The following PRDM2 variants were observed in gnomAD, a reference collection of about 807,000 sequenced individuals.
PRDM2 encodes PR domain zinc finger protein 2.
PRDM2 carries 30 observed loss-of-function variants against 130.0 expected under a neutral mutation model. The ratio of observed to expected loss-of-function variants is 0.23; its 90% confidence interval spans 0.17 to 0.31. The LOEUF is 0.31. PRDM2 is among the 10% of genes least tolerant of loss of function. The probability of loss-of-function intolerance (pLI) is 1.00; values close to 1 mark genes in which losing one functional copy is unlikely to be tolerated. For missense variants in PRDM2, 2,011 were observed against 2,108.4 expected, an observed-to-expected ratio of 0.95 and a Z score of 0.90; for synonymous variants, 871 against 782.4, an observed-to-expected ratio of 1.11 and a Z score of -1.89.
At chr1:13,775,624 G>A (rs755066881) in intron 7 of PRDM2, among the ~76,000 whole-genome samples, 35 of 152,182 alleles carry the variant, frequency 2.3e-4, no homozygotes, top group Non-Finnish European at 4.6e-4. Flanking sequence ...CTGGGAAACA[G>A]CAAGGAGGCT....
chr1:13,743,399 CAAAAAAAAAAAAA>C (rs70984282), intron 5 of PRDM2, among the ~76,000 whole-genome samples: 13 of 41,798 alleles, frequency 3.1e-4, no homozygotes, highest in East Asian at 7.8e-4. Context: ...GACTCTGTCT[CAAAAAAAAAAAAA>C]AAAAAAAAAA....
chr1:13,720,355 G>T (rs748184662), intron 2 of PRDM2, among the ~76,000 whole-genome samples: 7 of 152,154 alleles, frequency 4.6e-5, no homozygotes, highest in African/African-American at 7.2e-5. Context: ...TGGAGAGAAG[G>T]GCTGGGTAGG....
At position 13,760,392 on chromosome 1, in the gene PRDM2, C is replaced by T. The variant is rs541655394; in HGVS notation, c.511+10905C>T. Among the ~76,000 whole-genome samples, 2 of 151,828 alleles carry T rather than the reference C, an allele frequency of 1.3e-5. 1 individual carries two copies. Among genetic ancestry groups the T allele is most frequent in the Admixed American group, 1.3e-4 (2 of 15,236 alleles). ...GGGTGGGAATATACTGCTTGGGCTT[C>T]AGTGTTGCTTTTGCATTAGATGCAG... is the stretch of plus-strand genomic sequence containing the variant. On this transcript the variant is annotated intron_variant, in intron 6 of 9. Coordinates refer to ENST00000311066, the MANE Select transcript of PRDM2 (RefSeq NM_001393986.1).
chr1:13,737,394 C>G lies in PRDM2; in HGVS notation c.231+4512C>G, dbSNP rs151089648. ...TAAATATTATCTATGGCTTCTTTTGCCCCATAATCACAGAGTTGAGCAGTG... is the reference window on the plus strand; with the variant it reads ...TAAATATTATCTATGGCTTCTTTTGGCCCATAATCACAGAGTTGAGCAGTG... On this transcript the variant is annotated intron_variant, in intron 4 of 9. Coordinates refer to ENST00000311066, the MANE Select transcript of PRDM2 (RefSeq NM_001393986.1). 2.6e-3 allele frequency among the ~76,000 whole-genome samples: 397 copies of G among 152,318 alleles called. 2 individuals carry two copies. The highest frequency in any genetic ancestry group is 9.3e-3 in the African/African-American group (385 of 41,572).
intron 8 of PRDM2, among the ~76,000 whole-genome samples, chr1:13,795,100 ATTTC>A (rs993018600): frequency 1.3e-5 from 2 of 152,192 alleles, no homozygotes; most frequent in African/African-American, 2.4e-5. Flanking sequence ...GTAACTTTCT[ATTTC>A]TTTTGGTTTT....
chr1:13,782,632 G>T lies in PRDM2; in HGVS notation c.4837G>T (p.Val1613Leu). 1 of 1,614,158 alleles carries T rather than the reference G, an allele frequency of 6.2e-7. No homozygotes were observed. Among genetic ancestry groups the T allele is most frequent in the Non-Finnish European group, 8.5e-7 (1 of 1,180,038 alleles). ...CAGCAAAACATCACGGAGCCTGCAC[G>T]TGAGGGTACAGAAAAGCAAAGCTGT... ...LSSKTSRSLH[V>L]RVQKSKAVLQ... is the part of the protein sequence containing the mutation. The change falls in exon 8 of 10, where the codon GTG (valine) becomes TTG (leucine). Residue 1613 changes from valine to leucine, a missense_variant. Val to Leu is a conservative substitution (Grantham distance 32). This residue lies in a region of PRDM2 where 410 missense variants were observed against 395.9 expected (regional missense o/e 1.04). Transcript: ENST00000311066.
intron 6 of PRDM2, among the ~76,000 whole-genome samples, chr1:13,760,372 G>A (rs1266933426): frequency 2.0e-5 from 3 of 151,930 alleles, no homozygotes; most frequent in African/African-American, 7.3e-5. Flanking sequence ...TTAGTGGGTG[G>A]GAATATACTG....
chr1:13,734,859 A>G (rs1230776913), intron 4 of PRDM2, among the ~76,000 whole-genome samples: 1 of 152,226 alleles, frequency 6.6e-6, no homozygotes, highest in African/African-American at 2.4e-5. Flanking sequence ...TATGACATAC[A>G]TGTGTAAGTA....
chr1:13,803,414 G>A lies in PRDM2; in HGVS notation c.5037-13013G>A, dbSNP rs1364862830. Among the ~76,000 whole-genome samples the A allele has an allele frequency of 6.6e-6, 1 of 152,120 alleles. No individual in the cohort carries two copies. Among genetic ancestry groups the A allele is most frequent in the Non-Finnish European group, 1.5e-5 (1 of 68,018 alleles). On this transcript the variant is annotated intron_variant, in intron 8 of 9. Transcript: ENST00000311066. This position sits in a 1 kb window ranked among gnomAD's most constrained non-coding sequence, Gnocchi z 6.2. ...GCTCTCCTGGTGCTCCCAGTCCAGT[G>A]GGGGAGCCAGGTGGGTAGAGCCAGT... is the stretch of plus-strand genomic sequence containing the variant.
intron 7 of PRDM2, among the ~76,000 whole-genome samples, chr1:13,775,670 G>C (rs1467987342): frequency 6.6e-6 from 1 of 152,164 alleles, no homozygotes; most frequent in Non-Finnish European, 1.5e-5. Context: ...AGTAATACTT[G>C]GCATTGACCT....
At chr1:13,745,836 T>C (rs1643587358) in intron 5 of PRDM2, among the ~76,000 whole-genome samples, 1 of 152,186 alleles carries the variant, frequency 6.6e-6, no homozygotes, top group African/African-American at 2.4e-5. Flanking sequence ...GGATGAGTTT[T>C]AGGCTTAAGT....
Position 13,779,154 on chromosome 1 carries a change from A to G in PRDM2, c.1359A>G (p.Pro453=), listed in dbSNP as rs1557646706. The G allele has an allele frequency of 6.2e-7, 1 of 1,614,132 alleles. No homozygotes were observed. The highest frequency in any genetic ancestry group is 1.3e-5 in the African/African-American group (1 of 74,942). Residue 453 remains proline (P), a synonymous_variant, in exon 8 of 10, where the codon CCA becomes CCG. Coordinates refer to ENST00000311066, the MANE Select transcript of PRDM2 (RefSeq NM_001393986.1). The surrounding 1 kb of genome is among the most constrained non-coding windows in gnomAD (Gnocchi z 4.9). ...KDDSSPPSLG[P]DCLIMNSEKA... ...ATTCGAGTCCTCCCAGTCTTGGGCC[A>G]GACTGTCTGATCATGAATTCAGAGA...
At chr1:13,795,397 G>T (rs1203638) in intron 8 of PRDM2, among the ~76,000 whole-genome samples, 25,412 of 152,180 alleles carry the variant, frequency 0.17, 2,672 homozygotes, top group Non-Finnish European at 0.22. Flanking sequence ...ACAGATGGTA[G>T]GAGGTGGAGC....
intron 2 of PRDM2, among the ~76,000 whole-genome samples, 189 bp downstream of exon 2, chr1:13,715,803 C>T (rs920320903): frequency 9.2e-5 from 14 of 152,092 alleles, no homozygotes; most frequent in East Asian, 1.9e-4. Flanking sequence ...ATTGTTTGGG[C>T]GTGGGTTGGC....
chr1:13,816,374 G>A, intron 8 of PRDM2, 53 bp from the exon 9 acceptor site: 1 of 1,604,428 alleles, frequency 6.2e-7, no homozygotes, highest in Non-Finnish European at 8.5e-7. Context: ...GCAATGTCTA[G>A]GGCACCGGGC....
intron 6 of PRDM2, among the ~76,000 whole-genome samples, chr1:13,767,077 C>CCACT: frequency 6.6e-6 from 1 of 152,254 alleles, no homozygotes; most frequent in Middle Eastern, 3.4e-3. Flanking sequence ...TAATGCTATA[C>CCACT]ATAGTCTTAG....
At chr1:13,809,941 A>G (rs2235518) in intron 8 of PRDM2, among the ~76,000 whole-genome samples, 33,151 of 152,056 alleles carry the variant, frequency 0.22, 4,326 homozygotes, top group Admixed American at 0.35. Context: ...TTCCTGGTTC[A>G]CAGACTGCCA....
intron 4 of PRDM2, among the ~76,000 whole-genome samples, chr1:13,735,048 G>T (rs758188154): frequency 1.2e-4 from 18 of 152,114 alleles, no homozygotes; most frequent in Non-Finnish European, 2.2e-4. Context: ...ATCTCATCTT[G>T]GCATTTGTTC....
intron 8 of PRDM2, among the ~76,000 whole-genome samples, chr1:13,799,069 C>T (rs1334108531): frequency 1.3e-5 from 2 of 152,192 alleles, no homozygotes; most frequent in Non-Finnish European, 2.9e-5. Context: ...ACAAGCACTC[C>T]AGGCAAACAC....
Sources: gnomAD v4.1 joint callset for allele counts (sites outside exome capture counted in the v4.1 genomes callset) on GRCh38, gnomAD v4.1.1 for gene constraint, gnomAD v4.1.1 regional missense constraint, Gnocchi (gnomAD v3.1) non-coding constraint, MANE v1.5 for transcripts, NCBI Gene and HGNC (gene_info 2026-07-23, HGNC 2026-07-21) for gene names.